Variants in ZDHHC14 observed in about 807,000 individuals in gnomAD.
The protein encoded by ZDHHC14 is zDHHC palmitoyltransferase 14, also known as palmitoyltransferase ZDHHC14.
A neutral mutation model predicts 47.7 loss-of-function variants in ZDHHC14; 16 were observed. That is an observed-to-expected ratio of 0.34 (90% confidence interval 0.23 to 0.51). ZDHHC14 has a LOEUF of 0.51. ZDHHC14 is among the 20% of genes least tolerant of loss of function. The probability of loss-of-function intolerance (pLI) is 0.97; values close to 1 mark genes in which losing one functional copy is unlikely to be tolerated. For missense variants in ZDHHC14, 515 were observed against 662.5 expected (o/e 0.78, Z 2.44); for synonymous variants, 293 against 278.9 (o/e 1.05, Z -0.50).
intron 1 of ZDHHC14, among the ~76,000 whole-genome samples, chr6:157,426,163 A>C (rs923755688): frequency 1.3e-5 from 2 of 152,104 alleles, no homozygotes; most frequent in African/African-American, 4.8e-5. Flanking sequence ...AGCCTCCCGC[A>C]AGGTGGTGGT....
intron 1 of ZDHHC14, among the ~76,000 whole-genome samples, chr6:157,474,381 T>C (rs1779428588): frequency 6.6e-6 from 1 of 152,346 alleles, no homozygotes; most frequent in South Asian, 2.1e-4. Context: ...AATATGGGAG[T>C]GCACATGTCT....
At chr6:157,622,147 G>A (rs1785216356) in intron 3 of ZDHHC14, among the ~76,000 whole-genome samples, 1 of 148,050 alleles carries the variant, frequency 6.8e-6, no homozygotes, top group Admixed American at 6.9e-5. Flanking sequence ...GAGGCAGGTG[G>A]ATCACCTGAG....
At chr6:157,610,415 G>A (rs779257197) in intron 3 of ZDHHC14, among the ~76,000 whole-genome samples, 1 of 152,172 alleles carries the variant, frequency 6.6e-6, no homozygotes, top group South Asian at 2.1e-4. Flanking sequence ...CTGGGTGACA[G>A]AGCAAGACTC....
intron 1 of ZDHHC14, among the ~76,000 whole-genome samples, chr6:157,450,985 C>A (rs1416068008): frequency 6.8e-6 from 1 of 146,596 alleles, no homozygotes; most frequent in Non-Finnish European, 1.5e-5. Context: ...ATTTTGATGT[C>A]AAAAGTCTGG....
chr6:157,454,665 G>A (rs1386693556), intron 1 of ZDHHC14, among the ~76,000 whole-genome samples: 2 of 151,842 alleles, frequency 1.3e-5, no homozygotes, highest in Non-Finnish European at 1.5e-5. Context: ...CATGGGACCT[G>A]GCCTTAATGC....
intron 1 of ZDHHC14, among the ~76,000 whole-genome samples, chr6:157,503,513 G>C (rs936830056): frequency 2.6e-5 from 4 of 152,158 alleles, no homozygotes; most frequent in African/African-American, 4.8e-5. Flanking sequence ...AATGGGGGTG[G>C]AGTTGAGTGA....
chr6:157,392,987 G>A (rs371618066), intron 1 of ZDHHC14, among the ~76,000 whole-genome samples: 1 of 151,930 alleles, frequency 6.6e-6, no homozygotes, highest in East Asian at 1.9e-4. Context: ...TCAAGCAATT[G>A]TCCTGCCTCA....
At chr6:157,669,229 A>G (rs1336898261) in intron 8 of ZDHHC14, among the ~76,000 whole-genome samples, 1 of 151,954 alleles carries the variant, frequency 6.6e-6, no homozygotes, top group East Asian at 1.9e-4. Context: ...GGTGTGCAGG[A>G]GCTCTTTGCA....
In ZDHHC14 at chr6:157,504,178, A is replaced by C. The variant is rs1450151120; in HGVS notation, c.246-38407A>C. Among the ~76,000 whole-genome samples, 4 of 136,876 alleles carry C rather than the reference A, an allele frequency of 2.9e-5. No homozygotes were observed. In the Admixed American group the frequency reaches 3.1e-4, roughly 10 times the overall value. The allele number at this position is 136,876 out of a possible 152,430, so 89.8% of individuals were successfully genotyped here. A position where few individuals can be genotyped will look rare whatever the true frequency, so the allele number is the denominator to read the frequency against. Reference sequence around the variant, plus strand: ...AGAAACTGCAGCTACATGCAGCAACATGGGCATATATATATTTTTTTTTTG... The same window carrying C: ...AGAAACTGCAGCTACATGCAGCAACCTGGGCATATATATATTTTTTTTTTG... On this transcript the variant is annotated intron_variant, in intron 1 of 8. Coordinates refer to ENST00000359775, the MANE Select transcript of ZDHHC14 (RefSeq NM_024630.3).
At chr6:157,635,431 G>A (rs567597260) in intron 5 of ZDHHC14, among the ~76,000 whole-genome samples, 3 of 152,338 alleles carry the variant, frequency 2.0e-5, no homozygotes, top group African/African-American at 7.2e-5. Flanking sequence ...CCTGCTCCAT[G>A]GCAATTAATT....
At chr6:157,420,638 T>C (rs1238371823) in intron 1 of ZDHHC14, among the ~76,000 whole-genome samples, 1 of 152,168 alleles carries the variant, frequency 6.6e-6, no homozygotes, top group Non-Finnish European at 1.5e-5. Flanking sequence ...TCGGTCAGCT[T>C]TGAGCACATT....
chr6:157,592,041 G>C (rs1053203614), intron 2 of ZDHHC14, among the ~76,000 whole-genome samples: 1 of 151,940 alleles, frequency 6.6e-6, no homozygotes, highest in African/African-American at 2.4e-5. Flanking sequence ...AGGCTAATAG[G>C]GCTCTGAGGA....
In ZDHHC14 at chr6:157,582,677, C is replaced by A. The variant is rs1451431202; in HGVS notation, c.407-10311C>A. Among the ~76,000 whole-genome samples the A allele has an allele frequency of 6.6e-6, 1 of 152,158 alleles. No homozygotes were observed. The highest frequency in any genetic ancestry group is 2.4e-5 in the African/African-American group (1 of 41,436). ...TCTTTAACATTGTTTCTCTCATTTT[C>A]ATCTTGGAGAATCTGATGATTATGT... is the stretch of plus-strand genomic sequence containing the variant. On this transcript the variant is annotated intron_variant, in intron 2 of 8. Transcript: ENST00000359775. This position sits in a 1 kb window ranked among gnomAD's most constrained non-coding sequence, Gnocchi z 4.3.
chr6:157,642,068 A>G (rs1056750677), intron 5 of ZDHHC14, among the ~76,000 whole-genome samples: 5 of 152,106 alleles, frequency 3.3e-5, no homozygotes, highest in African/African-American at 1.2e-4. Flanking sequence ...ATAGATAGAT[A>G]GTTATCATGT....
Position 157,472,670 on chromosome 6 carries a change from G to C in ZDHHC14, c.246-69915G>C, listed in dbSNP as rs544249715. Reference sequence around the variant, plus strand: ...ACAAGATGCTACTTTTTGTATGAAAGGTGATTGAAAGCACATGCTCTAGAA... The same window carrying C: ...ACAAGATGCTACTTTTTGTATGAAACGTGATTGAAAGCACATGCTCTAGAA... On this transcript the variant is annotated intron_variant, in intron 1 of 8. Transcript: ENST00000359775. Among the ~76,000 whole-genome samples, 208 of 152,262 alleles carry C rather than the reference G, an allele frequency of 1.4e-3. 1 individual carries two copies. The highest frequency in any genetic ancestry group is 3.4e-3 in the Middle Eastern group (1 of 294).
intron 3 of ZDHHC14, among the ~76,000 whole-genome samples, chr6:157,595,175 T>C (rs1042330442): frequency 9.4e-5 from 1 of 10,602 alleles, no homozygotes; most frequent in Non-Finnish European, 1.6e-4. Flanking sequence ...CTAGGCTAGA[T>C]TTTTTTTTTT....
At chr6:157,539,389 G>A (rs186351780) in intron 1 of ZDHHC14, among the ~76,000 whole-genome samples, 4 of 152,042 alleles carry the variant, frequency 2.6e-5, no homozygotes, top group African/African-American at 9.7e-5. Context: ...GGGCAGCAGA[G>A]TGAGGCCCTG....
At chr6:157,410,819 C>G (rs1346872686) in intron 1 of ZDHHC14, among the ~76,000 whole-genome samples, 6 of 152,180 alleles carry the variant, frequency 3.9e-5, no homozygotes, top group South Asian at 2.1e-4. Context: ...GCCTCAGCCT[C>G]CTGAGTAGCT....
At chr6:157,488,703 A>G (rs955309796) in intron 1 of ZDHHC14, among the ~76,000 whole-genome samples, 1 of 152,140 alleles carries the variant, frequency 6.6e-6, no homozygotes, top group African/African-American at 2.4e-5. Context: ...CCAGTTTAGT[A>G]TTTGTCTGTC....
Sources: allele counts gnomAD v4.1 joint callset (sites outside exome capture counted in the v4.1 genomes callset), GRCh38; gene constraint gnomAD v4.1.1; non-coding constraint Gnocchi (gnomAD v3.1); transcripts MANE v1.5; gene names NCBI Gene and HGNC (gene_info 2026-07-23, HGNC 2026-07-21).